Variants in ETFDH observed in about 807,000 individuals in gnomAD.
ETFDH encodes the protein electron transfer flavoprotein-ubiquinone oxidoreductase, mitochondrial.
ETFDH carries 61 observed loss-of-function variants against 73.2 expected under a neutral mutation model. That is an observed-to-expected ratio of 0.83 (90% CI 0.68 to 1.03). The LOEUF (loss-of-function observed/expected upper bound fraction) is 1.03. Ranked by LOEUF, ETFDH falls within the 50% of genes least tolerant of loss-of-function variation. ETFDH has a pLI of 0.00. For missense variants in ETFDH, 685 were observed against 745.0 expected (o/e 0.92, Z 0.94); for synonymous variants, 243 against 253.3 (o/e 0.96, Z 0.39).
chr4:158,674,917 G>A (rs1328779632), intron 1 of ETFDH, among the ~76,000 whole-genome samples: 2 of 151,826 alleles, frequency 1.3e-5, no homozygotes, highest in South Asian at 2.1e-4. Context: ...TAATGATATT[G>A]TAACTTTTTA....
Position 158,699,082 on chromosome 4 carries a change from A to G in ETFDH, c.1068A>G (p.Gly356=). The G allele has an allele frequency of 6.2e-7, 1 of 1,612,604 alleles. No individual in the cohort carries two copies. The highest frequency in any genetic ancestry group is 8.5e-7 in the Non-Finnish European group (1 of 1,178,630). The change falls in exon 9 of 13, where the codon GGA becomes GGG. Residue 356 remains glycine, a synonymous_variant. Transcript: ENST00000511912. The stretch of plus-strand genomic sequence containing the variant: ...GCATTCGGCCAACCTTGGAAGGTGG[A>G]AAAAGGATTGCATACGGAGCCAGAG... The part of the protein sequence containing the change: ...HPSIRPTLEG[G]KRIAYGARAL...
In ETFDH at chr4:158,690,366, G is replaced by C. The variant is rs753293685; in HGVS notation, c.625G>C (p.Gly209Arg). The change falls in exon 6 of 13, where the codon GGT becomes CGT. Residue 209 changes from glycine to arginine, a missense_variant. Physicochemically the swap from Gly to Arg is moderately radical, Grantham distance 125 (BLOSUM62 -2). Transcript: ENST00000511912. ...AAAEVLFHDDGSVKGIATNDV... is the reference protein window; with the variant it reads ...AAAEVLFHDDRSVKGIATNDV... ...TTTTTAGGTCCTTTTTCATGATGAT[G>C]GTAGTGTAAAAGGAATTGCCACTAA... 1 of 1,592,098 alleles carries C rather than the reference G, an allele frequency of 6.3e-7. No homozygotes were observed. Among genetic ancestry groups the C allele is most frequent in the African/African-American group, 1.3e-5 (1 of 74,416 alleles).
Position 158,703,529 on chromosome 4 carries a change from T to C in ETFDH, c.1223T>C (p.Ile408Thr). ...ACTCACACAGCAATGAAAAGTGGAA[T>C]TTTAGCAGCAGAATCTATTTTTAAT... ...KGTHTAMKSG[I>T]LAAESIFNQL... The change falls in exon 10 of 13, where the codon ATT becomes ACT. Residue 408 changes from isoleucine (I) to threonine (T), a missense_variant. This residue lies in a region of ETFDH where 79 missense variants were observed against 120.5 expected (regional missense o/e 0.66). Coordinates refer to ENST00000511912, the MANE Select transcript of ETFDH (RefSeq NM_004453.4). The C allele has an allele frequency of 6.2e-7, 1 of 1,609,824 alleles. No homozygotes were observed. The highest frequency in any genetic ancestry group is 1.1e-5 in the South Asian group (1 of 90,992).
chr4:158,699,787 A>C (rs1373417372), intron 9 of ETFDH, among the ~76,000 whole-genome samples: 1 of 152,206 alleles, frequency 6.6e-6, no homozygotes, highest in African/African-American at 2.4e-5. Context: ...TACCTCTGTT[A>C]AGCTTTTACC....
At chr4:158,687,173 G>A (rs1774027279) in intron 5 of ETFDH, among the ~76,000 whole-genome samples, 3 of 152,186 alleles carry the variant, frequency 2.0e-5, no homozygotes, top group Admixed American at 2.0e-4. Flanking sequence ...CATTCTTCCT[G>A]CAATATGAGT....
At position 158,706,378 on chromosome 4, in the gene ETFDH, C is replaced by T; in HGVS notation, c.1468+7C>T. The T allele has an allele frequency of 6.2e-7, 1 of 1,601,500 alleles. No individual in the cohort carries two copies. Among genetic ancestry groups the T allele is most frequent in the Non-Finnish European group, 8.6e-7 (1 of 1,168,882 alleles). ...TGGACTCTGAAACATAAAGGTAATT[C>T]AAACAAGAGTATGAGTGACATGATC... On this transcript the variant is annotated splice_region_variant and intron_variant, in intron 11 of 12. Coordinates refer to ENST00000511912, the MANE Select transcript of ETFDH (RefSeq NM_004453.4).
At chr4:158,672,529 AG>A in intron 1 of ETFDH, 39 bp downstream of exon 1, 1 of 1,606,272 alleles carries the variant, frequency 6.2e-7, no homozygotes, top group Non-Finnish European at 8.5e-7. Context: ...TGGAGGAGTT[AG>A]GGCAAAAGGG....
chr4:158,676,479 T>C (rs1329340565), intron 1 of ETFDH, among the ~76,000 whole-genome samples: 1 of 152,214 alleles, frequency 6.6e-6, no homozygotes, highest in Admixed American at 6.5e-5. Flanking sequence ...TCTAATCTTG[T>C]AGCTAATTTG....
intron 1 of ETFDH, among the ~76,000 whole-genome samples, chr4:158,674,668 A>G (rs1773669925): frequency 6.6e-6 from 1 of 152,244 alleles, no homozygotes; most frequent in Non-Finnish European, 1.5e-5. Flanking sequence ...AAATGACCAA[A>G]CACAGATTTT....
rs1038834333 is a variant in ETFDH, at chr4:158,691,918, A to C, written c.684+1493A>C. 2.0e-5 allele frequency among the ~76,000 whole-genome samples: 3 copies of C among 152,228 alleles called. No homozygotes were observed. The East Asian group carries it at 5.8e-4, about 29-fold the overall frequency. On this transcript the variant is annotated intron_variant, in intron 6 of 12. Transcript: ENST00000511912. Reference sequence around the variant, plus strand: ...TATCCAATTTCCCAACTAGATTATAAGCTCCCTAAGGATGGAGATCCTGGG... The same window carrying C: ...TATCCAATTTCCCAACTAGATTATACGCTCCCTAAGGATGGAGATCCTGGG...
At chr4:158,689,337 T>C (rs1431061868) in intron 5 of ETFDH, among the ~76,000 whole-genome samples, 1 of 152,006 alleles carries the variant, frequency 6.6e-6, no homozygotes, top group Non-Finnish European at 1.5e-5. Context: ...TTGTTAAACA[T>C]TGTTGACTGG....
rs543341874 is a variant in ETFDH, at chr4:158,707,517, C to A, written c.1690+667C>A. On this transcript the variant is annotated intron_variant, in intron 12 of 12. Transcript: ENST00000511912. ...AAGAAAATTCCAGAAACAAATAATT[C>A]TTGAGTCTTAAATTGTGCACGTTAA... Among the ~76,000 whole-genome samples the A allele has an allele frequency of 3.9e-5, 6 of 152,302 alleles. No homozygotes were observed. The South Asian group carries it at 1.0e-3, about 26-fold the overall frequency.
chr4:158,683,143 A>G (rs77310486), intron 3 of ETFDH, among the ~76,000 whole-genome samples: 1,766 of 152,330 alleles, frequency 0.012, 26 homozygotes, highest in African/African-American at 0.038. Flanking sequence ...AAACATATTA[A>G]TATGGCTTCC....
intron 10 of ETFDH, among the ~76,000 whole-genome samples, chr4:158,705,928 A>G (rs1774597743): frequency 6.6e-6 from 1 of 152,168 alleles, no homozygotes; most frequent in African/African-American, 2.4e-5. Context: ...CAAAAACACA[A>G]AAGTTAGTAG....
intron 2 of ETFDH, 69 bp downstream of exon 2, chr4:158,680,676 G>A: frequency 3.8e-6 from 5 of 1,306,042 alleles, no homozygotes; most frequent in Admixed American, 3.4e-5. Context: ...GTGGAGGAGA[G>A]TATTAATATT....
At chr4:158,689,864 A>G (rs570960415) in intron 5 of ETFDH, among the ~76,000 whole-genome samples, 8 of 151,916 alleles carry the variant, frequency 5.3e-5, no homozygotes, top group South Asian at 2.1e-4. Context: ...TCTTGCTCCA[A>G]AAATAAACTT....
intron 2 of ETFDH, among the ~76,000 whole-genome samples, chr4:158,681,281 G>A (rs765800423): frequency 6.6e-6 from 1 of 151,872 alleles, no homozygotes; most frequent in South Asian, 2.1e-4. Flanking sequence ...AGTTTAAAAG[G>A]TAAAAGGAAA....
At chr4:158,697,732 T>C in intron 8 of ETFDH, 33 bp downstream of exon 8, 1 of 1,589,904 alleles carries the variant, frequency 6.3e-7, no homozygotes, top group Non-Finnish European at 8.6e-7. Flanking sequence ...AAAATTCTGC[T>C]GCTAGAGTTA....
At chr4:158,674,657 A>T (rs1773669553) in intron 1 of ETFDH, among the ~76,000 whole-genome samples, 2 of 152,248 alleles carry the variant, frequency 1.3e-5, no homozygotes, top group African/African-American at 4.8e-5. Flanking sequence ...CACTTTAAAA[A>T]AAATGACCAA....
Sources: allele counts gnomAD v4.1 joint callset (sites outside exome capture counted in the v4.1 genomes callset), GRCh38; gene constraint gnomAD v4.1.1; regional missense constraint gnomAD v4.1.1; transcripts MANE v1.5; gene names NCBI Gene and HGNC (gene_info 2026-07-23, HGNC 2026-07-21).